The following LYST variants were observed in gnomAD, a reference collection of about 807,000 sequenced individuals.
LYST encodes the protein lysosomal-trafficking regulator.
LYST carries 192 observed loss-of-function variants against 413.6 expected under a neutral mutation model. The ratio of observed to expected loss-of-function variants is 0.46; its 90% CI spans 0.41 to 0.52. LYST has a LOEUF of 0.52. LYST is among the 20% of genes least tolerant of loss of function. The pLI is 0.00. For synonymous variants in LYST, 1,525 were observed against 1,567.3 expected, an observed-to-expected ratio of 0.97 and a Z score of 0.64; for missense variants, 3,815 against 4,499.9, an observed-to-expected ratio of 0.85 and a Z score of 4.35.
At chr1:235,689,341 G>A (rs1212979232) in intron 47 of LYST, among the ~76,000 whole-genome samples, 1 of 152,086 alleles carries the variant, frequency 6.6e-6, no homozygotes, top group African/African-American at 2.4e-5. Context: ...CCTGTTATTT[G>A]TGATAACACA....
At chr1:235,697,389 G>A in intron 45 of LYST, 117 bp from the exon 46 acceptor site, 1 of 723,792 alleles carries the variant, frequency 1.4e-6, no homozygotes, top group Non-Finnish European at 2.3e-6. Context: ...AGCTCTGTAA[G>A]GGCAATAATT....
intron 14 of LYST, among the ~76,000 whole-genome samples, chr1:235,782,420 G>A (rs1669966109): frequency 6.6e-6 from 1 of 151,818 alleles, no homozygotes; most frequent in Non-Finnish European, 1.5e-5. Flanking sequence ...TGATCCACCC[G>A]CCTTGGCCTC....
intron 34 of LYST, among the ~76,000 whole-genome samples, chr1:235,732,018 C>G (rs935191042): frequency 6.6e-6 from 1 of 150,704 alleles, no homozygotes; most frequent in Admixed American, 6.6e-5. Flanking sequence ...AAAAAAATAC[C>G]CTTATTCATA....
At chr1:235,684,876 G>A (rs1362806181) in intron 48 of LYST, among the ~76,000 whole-genome samples, 3 of 151,900 alleles carry the variant, frequency 2.0e-5, no homozygotes, top group African/African-American at 7.3e-5. Context: ...CGATCTTCTT[G>A]TCTTGGCCTC....
chr1:235,776,781 A>G (rs1391628220), intron 17 of LYST, among the ~76,000 whole-genome samples: 1 of 151,944 alleles, frequency 6.6e-6, no homozygotes, highest in Non-Finnish European at 1.5e-5. Flanking sequence ...TTTTATTTTT[A>G]AAAATATCCT....
intron 38 of LYST, among the ~76,000 whole-genome samples, chr1:235,727,677 G>A (rs1442631914): frequency 6.6e-6 from 1 of 152,092 alleles, no homozygotes; most frequent in East Asian, 1.9e-4. Flanking sequence ...ATTAAGCTAT[G>A]TGAATATCAG....
chr1:235,823,620 T>C (rs1675015803), intron 3 of LYST, among the ~76,000 whole-genome samples: 2 of 152,238 alleles, frequency 1.3e-5, no homozygotes, highest in Non-Finnish European at 1.5e-5. Context: ...CAATCCCCGT[T>C]TTACCAAAAG....
intron 10 of LYST, among the ~76,000 whole-genome samples, chr1:235,794,332 A>G (rs1671336715): frequency 6.6e-6 from 1 of 152,238 alleles, no homozygotes; most frequent in African/African-American, 2.4e-5. Context: ...TGGAAATATT[A>G]AAGATGATTT....
rs145973468 is a variant in LYST at position 235,787,204 on chromosome 1, G to T, written c.4858C>A (p.Gln1620Lys). Residue 1620 changes from glutamine (Q) to lysine (K), a missense_variant, in exon 14 of 53, where the codon CAG becomes AAG. By Grantham distance (53) the Gln-to-Lys change is moderately conservative (BLOSUM62 1). Transcript: ENST00000389793. ...TTTTCTCAAAATGCTTCCTACCTCT[G>T]TCCAGAGACCCATATGGAGATTTTC... The part of the protein sequence containing the change: ...HGKISIWVSG[Q>K]RKPDVTLDFM... The T allele has an allele frequency of 2.5e-6, 4 of 1,612,758 alleles. No individual in the cohort carries two copies. In the African/African-American group the frequency reaches 5.3e-5, roughly 22 times the overall value.
At position 235,730,888 on chromosome 1, in the gene LYST, G is replaced by C. The variant is rs1390629473; in HGVS notation, c.9003C>G (p.Phe3001Leu). The C allele has an allele frequency of 1.2e-6, 2 of 1,613,624 alleles. No homozygotes were observed. The highest frequency in any genetic ancestry group is 4.5e-5 in the East Asian group (2 of 44,844). The stretch of plus-strand genomic sequence containing the variant: ...CAGCTTTGTCTTTGACAGTAGAAGA[G>C]AAAGAAGAATGAGTTTTGTCTTCAA... The part of the protein sequence containing the change: ...YLFEDKTHSS[F>L]SSTVKDKAAS... Residue 3001 changes from phenylalanine (F) to leucine (L), a missense_variant, in exon 36 of 53, where the codon TTC (phenylalanine) becomes TTG (leucine). Coordinates refer to ENST00000389793, the MANE Select transcript of LYST (RefSeq NM_000081.4).
rs1558141594 is a variant in LYST at position 235,712,213 on chromosome 1, A to T, written c.9785-16T>A. ...AAACTTTGATCTATAAAAAAATACA[A>T]ATAATACGATTAAGACACAAAGACC... On this transcript the variant is annotated splice_polypyrimidine_tract_variant and intron_variant, in intron 42 of 52. Coordinates refer to ENST00000389793, the MANE Select transcript of LYST (RefSeq NM_000081.4). The T allele has an allele frequency of 6.5e-7, 1 of 1,548,146 alleles. No homozygotes were observed. The highest frequency in any genetic ancestry group is 8.8e-7 in the Non-Finnish European group (1 of 1,133,524).
chr1:235,807,637 A>C (rs1356199263), intron 5 of LYST, among the ~76,000 whole-genome samples: 1 of 152,156 alleles, frequency 6.6e-6, no homozygotes, highest in Non-Finnish European at 1.5e-5. Flanking sequence ...TTATTTTTGT[A>C]TAAGTTTCTA....
intron 44 of LYST, 72 bp downstream of exon 44, chr1:235,709,019 C>A (rs1662200354): frequency 1.5e-6 from 2 of 1,368,778 alleles, no homozygotes; most frequent in South Asian, 2.3e-5. Context: ...AAAGGAATGG[C>A]CGAACAACTA....
At chr1:235,796,499 T>C (rs1461651824) in intron 10 of LYST, among the ~76,000 whole-genome samples, 2 of 151,984 alleles carry the variant, frequency 1.3e-5, no homozygotes, top group African/African-American at 4.8e-5. Context: ...CCAAAGAAAA[T>C]ACGCAAATAG....
At chr1:235,677,681 C>T (rs1255761802) in intron 48 of LYST, 62 bp from the exon 49 acceptor site, 1 of 1,321,848 alleles carries the variant, frequency 7.6e-7, no homozygotes, top group Non-Finnish European at 1.1e-6. Flanking sequence ...AGTATAGTAT[C>T]TCAAAAATAA....
intron 3 of LYST, among the ~76,000 whole-genome samples, chr1:235,816,563 T>C (rs1010349494): frequency 2.0e-5 from 3 of 151,212 alleles, no homozygotes; most frequent in African/African-American, 7.3e-5. Context: ...GAAAAAGCTA[T>C]TCTAAAATTC....
At chr1:235,676,301 C>T (rs28454642) in intron 50 of LYST, among the ~76,000 whole-genome samples, 12,106 of 152,102 alleles carry the variant, frequency 0.08, 1,557 homozygotes, top group African/African-American at 0.27. Context: ...ATAAAATTTA[C>T]GGGAGGCCAA....
At chr1:235,774,030 T>C (rs780920794) in intron 18 of LYST, 39 bp from the exon 19 acceptor site, 2 of 1,420,956 alleles carry the variant, frequency 1.4e-6, no homozygotes, top group Admixed American at 1.7e-5. Context: ...GCATTAGTAA[T>C]TGGTTAATCA....
In LYST at chr1:235,787,271, G is replaced by A. The variant is rs916136276; in HGVS notation, c.4791C>T (p.Leu1597=). The part of the protein sequence containing the change: ...FLPSKWQHLV[L]TYLQQPQGKR... ...TCCCTTGGGGCTGCTGTAAGTAGGT[G>A]AGTACTAAATGTTGCCATTTGCTTG... Residue 1597 remains leucine, a synonymous_variant, in exon 14 of 53, where the codon CTC becomes CTT. Transcript: ENST00000389793. The A allele has an allele frequency of 1.9e-6, 3 of 1,613,438 alleles. No individual in the cohort carries two copies. Among genetic ancestry groups the A allele is most frequent in the East Asian group, 2.2e-5 (1 of 44,824 alleles).
Sources: gnomAD v4.1 joint callset for allele counts (sites outside exome capture counted in the v4.1 genomes callset) on GRCh38, gnomAD v4.1.1 for gene constraint, MANE v1.5 for transcripts, NCBI Gene and HGNC (gene_info 2026-07-23, HGNC 2026-07-21) for gene names.